Variants in PTPN11 observed in about 807,000 individuals in gnomAD.
The protein encoded by PTPN11 is tyrosine-protein phosphatase non-receptor type 11.
In PTPN11, 6 loss-of-function variants were observed where a neutral mutation model predicts 78.8. That is an observed-to-expected ratio of 0.08 (90% CI 0.04 to 0.15). PTPN11 has a LOEUF of 0.15. Ranked by LOEUF, PTPN11 falls within the 10% of genes least tolerant of loss-of-function variation. The probability of loss-of-function intolerance (pLI) is 1.00; values close to 1 mark genes in which losing one functional copy is unlikely to be tolerated. For missense variants in PTPN11, 386 were observed against 744.8 expected (o/e 0.52, Z 5.61); for synonymous variants, 221 against 263.5 (o/e 0.84, Z 1.56).
intron 13 of PTPN11, among the ~76,000 whole-genome samples, chr12:112,491,410 T>A (rs188790772): frequency 6.6e-6 from 1 of 152,310 alleles, no homozygotes; most frequent in Non-Finnish European, 1.5e-5. Context: ...AAAATGTAAA[T>A]TTTAAAAAGT....
chr12:112,487,763 ACTT>A (rs1418956640), intron 11 of PTPN11, among the ~76,000 whole-genome samples: 1 of 151,946 alleles, frequency 6.6e-6, no homozygotes, highest in Non-Finnish European at 1.5e-5. Context: ...AAAATTATTT[ACTT>A]CTTCTATTTC....
At chr12:112,481,501 C>CA (rs890558619) in intron 9 of PTPN11, among the ~76,000 whole-genome samples, 2 of 146,506 alleles carry the variant, frequency 1.4e-5, no homozygotes, top group Non-Finnish European at 3.0e-5. Flanking sequence ...TGAACTCTTC[C>CA]TTTTTTTTTG....
chr12:112,474,480 A>C (rs2038468413), intron 7 of PTPN11, among the ~76,000 whole-genome samples: 1 of 151,698 alleles, frequency 6.6e-6, no homozygotes, highest in South Asian at 2.1e-4. Context: ...AGCCTCCCAA[A>C]CTGTTGGGAT....
chr12:112,419,606 C>T (rs993850494), intron 1 of PTPN11, among the ~76,000 whole-genome samples: 1 of 152,210 alleles, frequency 6.6e-6, no homozygotes, highest in Non-Finnish European at 1.5e-5. Flanking sequence ...TTGGGGACTT[C>T]ACGCAGGACC....
At chr12:112,454,785 T>C in intron 5 of PTPN11, 105 bp downstream of exon 5, 1 of 696,216 alleles carries the variant, frequency 1.4e-6, no homozygotes. Context: ...ATCATCAGCC[T>C]CCATGTACCC....
intron 1 of PTPN11, among the ~76,000 whole-genome samples, chr12:112,434,288 A>G (rs186297901): frequency 6.6e-6 from 1 of 151,754 alleles, no homozygotes; most frequent in East Asian, 1.9e-4. Context: ...TCTAAAAACA[A>G]CAACCAAAAA....
At chr12:112,425,780 G>A (rs1290137974) in intron 1 of PTPN11, among the ~76,000 whole-genome samples, 1 of 152,088 alleles carries the variant, frequency 6.6e-6, no homozygotes, top group African/African-American at 2.4e-5. Flanking sequence ...CCAGGCTGGA[G>A]GGCAATGTTG....
intron 2 of PTPN11, among the ~76,000 whole-genome samples, chr12:112,447,043 A>AT (rs2038004067): frequency 6.6e-6 from 1 of 151,350 alleles, no homozygotes; most frequent in African/African-American, 2.4e-5. Flanking sequence ...TTTAAAAAAT[A>AT]TTTTTTGTAG....
intron 3 of PTPN11, among the ~76,000 whole-genome samples, chr12:112,451,071 C>A (rs949441838): frequency 6.6e-6 from 1 of 152,170 alleles, no homozygotes; most frequent in African/African-American, 2.4e-5. Context: ...TGGAACTAGG[C>A]TGATGAAAGC....
At chr12:112,458,612 T>G (rs1386507332) in intron 6 of PTPN11, among the ~76,000 whole-genome samples, 1 of 152,214 alleles carries the variant, frequency 6.6e-6, no homozygotes, top group Admixed American at 6.5e-5. Flanking sequence ...GAATTTGAGT[T>G]TATTCTCTCA....
chr12:112,470,013 C>A (rs1264721146), intron 6 of PTPN11, among the ~76,000 whole-genome samples: 4 of 152,082 alleles, frequency 2.6e-5, no homozygotes, highest in African/African-American at 9.7e-5. Flanking sequence ...CCTTGACCTT[C>A]TGGGCTCAAG....
intron 1 of PTPN11, among the ~76,000 whole-genome samples, chr12:112,433,938 A>T (rs927656816): frequency 6.6e-6 from 1 of 151,956 alleles, no homozygotes; most frequent in African/African-American, 2.4e-5. Flanking sequence ...AGGCTGGGAG[A>T]TAGAGTGGGA....
chr12:112,438,642 C>T (rs893772011), intron 1 of PTPN11, among the ~76,000 whole-genome samples: 10 of 152,226 alleles, frequency 6.6e-5, no homozygotes, highest in Middle Eastern at 3.4e-3. Flanking sequence ...CCACCATACC[C>T]GGCTAATTTT....
At position 112,485,334 on chromosome 12, in the gene PTPN11, C is replaced by T. The variant is rs569668969; in HGVS notation, c.1225-1141C>T. 1.1e-4 allele frequency among the ~76,000 whole-genome samples: 17 copies of T among 152,254 alleles called. No individual in the cohort carries two copies. The South Asian group carries it at 2.7e-3, about 24-fold the overall frequency. ...GGAATGAATGGTGCTGCTACAATTA[C>T]GTCATCTGGATAGACCCAGAAACAT... On this transcript the variant is annotated intron_variant, in intron 10 of 15. Coordinates refer to ENST00000351677, the MANE Select transcript of PTPN11 (RefSeq NM_002834.5).
chr12:112,424,950 G>A (rs1253029235), intron 1 of PTPN11, among the ~76,000 whole-genome samples: 2 of 136,414 alleles, frequency 1.5e-5, no homozygotes, highest in African/African-American at 2.8e-5. Context: ...CACCATGTCA[G>A]GCTAATTGTG....
Position 112,504,780 on chromosome 12 carries a change from C to T in PTPN11, c.*16C>T. 1.3e-6 allele frequency: 2 copies of T among 1,547,400 alleles called. No individual in the cohort carries two copies. The highest frequency in any genetic ancestry group is 4.5e-5 in the East Asian group (2 of 44,500). ...TTTCAGATGAGAAAACCTGCCAAAA[C>T]TTCAGCACAGAAATAGGTATTTAAA... On this transcript the variant is annotated 3_prime_UTR_variant, in exon 15 of 16. Coordinates refer to ENST00000351677, the MANE Select transcript of PTPN11 (RefSeq NM_002834.5). This position sits in a 1 kb window ranked among gnomAD's most constrained non-coding sequence, Gnocchi z 4.7.
At chr12:112,500,016 G>A (rs1592861348) in intron 13 of PTPN11, among the ~76,000 whole-genome samples, 2 of 151,700 alleles carry the variant, frequency 1.3e-5, no homozygotes, top group South Asian at 4.2e-4. Context: ...GGCCGAGGCG[G>A]GTGGATCACT....
At chr12:112,431,472 G>T (rs907186103) in intron 1 of PTPN11, among the ~76,000 whole-genome samples, 12 of 152,160 alleles carry the variant, frequency 7.9e-5, no homozygotes, top group African/African-American at 2.9e-4. Context: ...GGTGACTGTA[G>T]AAATGTGTGA....
intron 6 of PTPN11, among the ~76,000 whole-genome samples, chr12:112,467,338 T>C (rs893765500): frequency 6.6e-6 from 1 of 152,150 alleles, no homozygotes; most frequent in African/African-American, 2.4e-5. Flanking sequence ...AGAGGTTTAA[T>C]TGGCTCATGG....
Sources: allele counts gnomAD v4.1 joint callset (sites outside exome capture counted in the v4.1 genomes callset), GRCh38; gene constraint gnomAD v4.1.1; non-coding constraint Gnocchi (gnomAD v3.1); transcripts MANE v1.5; gene names NCBI Gene and HGNC (gene_info 2026-07-23, HGNC 2026-07-21).